Variants in MTERF4 observed in about 807,000 individuals in gnomAD.
MTERF4 encodes mitochondrial transcription termination factor 4.
Under a neutral mutation model 22.5 loss-of-function variants are expected in MTERF4, and 17 were observed. That is an observed-to-expected ratio of 0.75 (90% CI 0.52 to 1.13). MTERF4 has a LOEUF of 1.13. Among genes scored for constraint, MTERF4 ranks in the 50% most tolerant of loss-of-function variants. MTERF4 has a pLI of 0.00. For missense variants in MTERF4, 420 were observed against 466.8 expected, an observed-to-expected ratio of 0.90 and a Z score of 0.92; for synonymous variants, 165 against 175.3, an observed-to-expected ratio of 0.94 and a Z score of 0.47.
At chr2:241,088,195 A>G (rs1363228616), downstream of MTERF4, 2 of 606,814 alleles carry the variant, frequency 3.3e-6, no homozygotes, top group Non-Finnish European at 6.0e-6. Flanking sequence ...GGGCGCACAC[A>G]AACTAAAATG....
At chr2:241,048,778 G>A in the MTERF4 span, 4 of 1,590,980 alleles carry the variant, frequency 2.5e-6, no homozygotes, top group Non-Finnish European at 3.4e-6. Context: ...TAGGTGCCCA[G>A]GTCACCCTTC....
chr2:241,082,384 C>A, downstream of MTERF4: 1 of 1,582,958 alleles, frequency 6.3e-7, no homozygotes, highest in South Asian at 1.1e-5. Context: ...TTTCTGTCCT[C>A]CGCCTTACCG....
chr2:241,071,464 C>G, downstream of MTERF4: 1 of 1,299,424 alleles, frequency 7.7e-7, no homozygotes. Flanking sequence ...ACATGCCCCC[C>G]TTCCCTTCTC....
chr2:241,068,883 TTC>T (rs1399588585), downstream of MTERF4: 2 of 1,475,556 alleles, frequency 1.4e-6, no homozygotes, highest in Non-Finnish European at 1.8e-6. The surrounding 1 kb of genome is among the most constrained non-coding windows in gnomAD (Gnocchi z 5.3). Context: ...GACATCCCTG[TTC>T]TCTCTTTGTC....
chr2:241,062,641 T>TC, the MTERF4 span: 4 of 695,812 alleles, frequency 5.7e-6, no homozygotes, highest in Admixed American at 6.1e-5. Flanking sequence ...CTGCCCCGAC[T>TC]CCAAGGATAT....
At position 241,099,614 on chromosome 2, in the gene MTERF4, T is replaced by A; in HGVS notation, c.302A>T (p.Asp101Val). The A allele has an allele frequency of 6.2e-7, 1 of 1,614,236 alleles. No homozygotes were observed. The highest frequency in any genetic ancestry group is 1.7e-5 in the Admixed American group (1 of 60,030). The change falls in exon 2 of 4, where the codon GAC becomes GTC. Residue 101 changes from aspartate (D) to valine (V), a missense_variant. Coordinates refer to ENST00000391980, the MANE Select transcript of MTERF4 (RefSeq NM_182501.4). ...AATATGGGCATTGCTGAAACCCATG[T>A]CCAGGAGGGAACTCATGACCCTCTC... ...ELERVMSSLLDMGFSNAHINE... is the reference protein window; with the variant it reads ...ELERVMSSLLVMGFSNAHINE...
At chr2:241,068,863 A>C, downstream of MTERF4, 1 of 1,340,738 alleles carries the variant, frequency 7.5e-7, no homozygotes, top group Non-Finnish European at 1.0e-6. The surrounding 1 kb of genome is among the most constrained non-coding windows in gnomAD (Gnocchi z 5.3). Context: ...AGAGTCACAC[A>C]CAGGTCCCAG....
downstream of MTERF4, among the ~76,000 whole-genome samples, chr2:241,091,178 C>T (rs1575161901): frequency 2.0e-5 from 3 of 152,226 alleles, no homozygotes; most frequent in Admixed American, 6.5e-5. This position sits in a 1 kb window ranked among gnomAD's most constrained non-coding sequence, Gnocchi z 4.1. Flanking sequence ...GGAGACAACA[C>T]ACAAAAAAGC....
chr2:241,100,395 T>A (rs942614713), intron 1 of MTERF4, among the ~76,000 whole-genome samples: 11 of 152,210 alleles, frequency 7.2e-5, no homozygotes, highest in African/African-American at 2.7e-4. Context: ...CTTCACCTCC[T>A]CTTCAGCCTA....
At chr2:241,095,152 TCTC>T (rs929147377), downstream of MTERF4, 1 of 148,914 alleles carries the variant, frequency 6.7e-6, no homozygotes, top group Non-Finnish European at 1.5e-5. Flanking sequence ...CCTATGCTCT[TCTC>T]CTCTGGTTCT....
At chr2:241,085,691 C>T (rs749517228), downstream of MTERF4, among the ~76,000 whole-genome samples, 7 of 150,968 alleles carry the variant, frequency 4.6e-5, no homozygotes, top group South Asian at 2.1e-4. Flanking sequence ...ATGTTACTGA[C>T]GCTGGATTTG....
downstream of MTERF4, among the ~76,000 whole-genome samples, chr2:241,084,742 A>G (rs1284586014): frequency 6.6e-6 from 1 of 152,122 alleles, no homozygotes; most frequent in Non-Finnish European, 1.5e-5. Context: ...TTGTAGATCT[A>G]GGATTCCATC....
downstream of MTERF4, chr2:241,094,414 A>G: frequency 2.1e-6 from 1 of 471,252 alleles, no homozygotes; most frequent in Non-Finnish European, 4.4e-6. This position sits in a 1 kb window ranked among gnomAD's most constrained non-coding sequence, Gnocchi z 4.3. Context: ...CTTTGCAGTC[A>G]CGCTGTAAGA....
At chr2:241,094,369 G>C (rs539504497), downstream of MTERF4, 1 of 470,914 alleles carries the variant, frequency 2.1e-6, no homozygotes, top group Admixed American at 2.3e-5. This position sits in a 1 kb window ranked among gnomAD's most constrained non-coding sequence, Gnocchi z 4.3. Context: ...CGGAGTCACC[G>C]AGCTGCTTTT....
At chr2:241,082,501 C>T (rs1444730139), downstream of MTERF4, 5 of 632,828 alleles carry the variant, frequency 7.9e-6, no homozygotes, top group East Asian at 2.6e-5. Flanking sequence ...CTTTGACCAT[C>T]GATTCCCTCC....
At chr2:241,078,059 A>G (rs2063113510) in intron 4 of MTERF4, among the ~76,000 whole-genome samples, 1 of 152,218 alleles carries the variant, frequency 6.6e-6, no homozygotes, top group South Asian at 2.1e-4. Context: ...AAAGCCAGAA[A>G]GTAGAAACCA....
At chr2:241,067,501 A>AC (rs1303949849), downstream of MTERF4, among the ~76,000 whole-genome samples, 2 of 152,000 alleles carry the variant, frequency 1.3e-5, no homozygotes, top group Admixed American at 1.3e-4. Flanking sequence ...GGAGACTAAG[A>AC]CCCCTGCCTC....
chr2:241,101,269 A>G (rs1168936260), intron 1 of MTERF4: 2 of 442,254 alleles, frequency 4.5e-6, no homozygotes, highest in Non-Finnish European at 4.8e-6. Context: ...TCAGATTCTC[A>G]TAAGGAGCGC....
At chr2:241,083,901 T>C (rs2063450243), downstream of MTERF4, among the ~76,000 whole-genome samples, 1 of 133,750 alleles carries the variant, frequency 7.5e-6, no homozygotes, top group South Asian at 2.2e-4. Context: ...ACTGCCATAT[T>C]ACTATTTGTT....
Sources: gnomAD v4.1 joint callset for allele counts (sites outside exome capture counted in the v4.1 genomes callset) on GRCh38, gnomAD v4.1.1 for gene constraint, Gnocchi (gnomAD v3.1) non-coding constraint, MANE v1.5 for transcripts, NCBI Gene and HGNC (gene_info 2026-07-23, HGNC 2026-07-21) for gene names.